Variants in LRMDA observed in about 807,000 individuals in gnomAD.
LRMDA encodes leucine rich melanocyte differentiation associated.
LRMDA carries 18 observed loss-of-function variants against 29.8 expected under a neutral mutation model. The observed-to-expected ratio is 0.60, with a 90% CI of 0.42 to 0.90. LRMDA has a LOEUF of 0.90. LRMDA is among the 40% of genes least tolerant of loss of function. LRMDA has a pLI of 0.00. For synonymous variants in LRMDA, 125 were observed against 109.4 expected (o/e 1.14, Z -0.89); for missense variants, 273 against 273.9 (o/e 1.00, Z 0.02).
intron 4 of LRMDA, among the ~76,000 whole-genome samples, chr10:76,048,913 G>A (rs1848485921): frequency 6.6e-6 from 1 of 152,012 alleles, no homozygotes; most frequent in African/African-American, 2.4e-5. Context: ...TATGAAAAAA[G>A]GGCTTGGCAC....
chr10:76,380,257 C>T (rs757613586), intron 6 of LRMDA, among the ~76,000 whole-genome samples: 16 of 152,014 alleles, frequency 1.1e-4, no homozygotes, highest in Non-Finnish European at 1.9e-4. Context: ...TTCAAAGTTT[C>T]TTTGTTGATT....
At chr10:75,526,854 A>G (rs1399458763) in intron 2 of LRMDA, among the ~76,000 whole-genome samples, 3 of 115,354 alleles carry the variant, frequency 2.6e-5, no homozygotes, top group Non-Finnish European at 5.1e-5. Context: ...GCAAGGCCCT[A>G]TCTCAAAAAA....
chr10:75,916,164 A>ATGTGTG (rs34666507), intron 2 of LRMDA, among the ~76,000 whole-genome samples: 3,345 of 124,394 alleles, frequency 0.027, 37 homozygotes, highest in Middle Eastern at 0.054. Flanking sequence ...TGCCAGGCCT[A>ATGTGTG]TGTGTGTGTG....
chr10:75,672,466 A>T (rs1301762336), intron 2 of LRMDA, among the ~76,000 whole-genome samples: 1 of 141,856 alleles, frequency 7.0e-6, no homozygotes, highest in African/African-American at 2.6e-5. Flanking sequence ...AGCTCCTGAT[A>T]TTGGGACCTC....
chr10:76,363,154 A>G (rs1589151519), intron 6 of LRMDA, among the ~76,000 whole-genome samples: 1 of 39,886 alleles, frequency 2.5e-5, no homozygotes, highest in African/African-American at 1.1e-4. Flanking sequence ...AGAAAGAAAG[A>G]AAGAAAGAAA....
chr10:75,512,629 G>A (rs961925885), intron 2 of LRMDA, among the ~76,000 whole-genome samples: 1 of 152,162 alleles, frequency 6.6e-6, no homozygotes, highest in South Asian at 2.1e-4. Context: ...TGGCAGCTGG[G>A]AAGGGGCAGA....
At chr10:75,623,179 G>A (rs1038028330) in intron 2 of LRMDA, among the ~76,000 whole-genome samples, 8 of 152,134 alleles carry the variant, frequency 5.3e-5, no homozygotes, top group Non-Finnish European at 1.0e-4. Context: ...TTTGATTTAT[G>A]CTGGATATAA....
intron 6 of LRMDA, among the ~76,000 whole-genome samples, chr10:76,395,214 T>C (rs1407472660): frequency 6.6e-6 from 1 of 152,154 alleles, no homozygotes; most frequent in African/African-American, 2.4e-5. Context: ...TTAAACCATA[T>C]TTCTAGTCCT....
chr10:76,533,625 A>C lies in LRMDA; in HGVS notation c.602-23584A>C, dbSNP rs78986602. Among the ~76,000 whole-genome samples, 6 of 152,218 alleles carry C rather than the reference A, an allele frequency of 3.9e-5. 1 individual carries two copies. The South Asian group carries it at 1.2e-3, about 32-fold the overall frequency. ...CAGTTAAAGGCACCTATGGATTTCT[A>C]TTTTAAGAATAGACACTGTCTACTT... On this transcript the variant is annotated intron_variant, in intron 6 of 6. Coordinates refer to ENST00000611255, the MANE Select transcript of LRMDA (RefSeq NM_001305581.2).
intron 2 of LRMDA, among the ~76,000 whole-genome samples, chr10:75,798,067 A>G (rs1370199662): frequency 1.3e-5 from 2 of 152,172 alleles, no homozygotes; most frequent in African/African-American, 2.4e-5. Context: ...TCTAATGACT[A>G]ATAATATAGA....
chr10:76,174,696 C>A (rs1411597389), intron 5 of LRMDA, among the ~76,000 whole-genome samples: 1 of 152,118 alleles, frequency 6.6e-6, no homozygotes, highest in African/African-American at 2.4e-5. Context: ...TAGGACCCAG[C>A]GACCCTCAGA....
intron 2 of LRMDA, among the ~76,000 whole-genome samples, chr10:76,000,085 C>G (rs551228537): frequency 2.0e-5 from 3 of 152,066 alleles, no homozygotes; most frequent in Non-Finnish European, 4.4e-5. Flanking sequence ...GGAAAGAAAT[C>G]TCTTCTCTTG....
intron 2 of LRMDA, among the ~76,000 whole-genome samples, chr10:76,029,384 C>T (rs1222056578): frequency 6.6e-6 from 1 of 152,126 alleles, no homozygotes; most frequent in African/African-American, 2.4e-5. Context: ...AGTTAGAAAG[C>T]AGGTATGGAT....
intron 5 of LRMDA, among the ~76,000 whole-genome samples, chr10:76,078,401 A>G (rs1848995634): frequency 6.6e-6 from 1 of 152,122 alleles, no homozygotes; most frequent in African/African-American, 2.4e-5. Context: ...AGAAATTCCC[A>G]GCTTTTGAGA....
chr10:75,938,825 TG>T (rs1278047032), intron 2 of LRMDA, among the ~76,000 whole-genome samples: 3 of 152,192 alleles, frequency 2.0e-5, no homozygotes, highest in Non-Finnish European at 4.4e-5. Context: ...GGTTAGTAAT[TG>T]GGTTCTACTG....
chr10:76,504,405 A>G (rs933401852), intron 6 of LRMDA, among the ~76,000 whole-genome samples: 1 of 151,936 alleles, frequency 6.6e-6, no homozygotes, highest in Non-Finnish European at 1.5e-5. Context: ...CCTCAATGAT[A>G]TGTCAGTAAA....
Position 75,841,934 on chromosome 10 carries a change from C to T in LRMDA, c.132-194074C>T, listed in dbSNP as rs541216611. Among the ~76,000 whole-genome samples the T allele has an allele frequency of 3.3e-5, 5 of 152,258 alleles. No homozygotes were observed. The South Asian group carries it at 1.0e-3, about 32-fold the overall frequency. ...TTGGAGTCTCGTTTCCCCTCTGTCT[C>T]TGTTTCTTCATTGGTAGATGGAGAT... On this transcript the variant is annotated intron_variant, in intron 2 of 6. Coordinates refer to ENST00000611255, the MANE Select transcript of LRMDA (RefSeq NM_001305581.2).
At chr10:76,074,878 C>T (rs1406999298) in intron 5 of LRMDA, among the ~76,000 whole-genome samples, 1 of 152,142 alleles carries the variant, frequency 6.6e-6, no homozygotes, top group Non-Finnish European at 1.5e-5. Context: ...TAGTCAGTCT[C>T]CATTCACTGA....
intron 6 of LRMDA, among the ~76,000 whole-genome samples, chr10:76,332,451 C>T (rs2758960): frequency 0.57 from 86,490 of 152,042 alleles, 29,295 homozygotes; most frequent in Non-Finnish European, 0.79. Flanking sequence ...AGAAGGGCTA[C>T]GAATCTGGTT....
Sources: allele counts gnomAD v4.1 joint callset (sites outside exome capture counted in the v4.1 genomes callset), GRCh38; gene constraint gnomAD v4.1.1; transcripts MANE v1.5; gene names NCBI Gene and HGNC (gene_info 2026-07-23, HGNC 2026-07-21).